Variants in PSMA1 observed in about 807,000 individuals in gnomAD.
PSMA1 encodes proteasome 20S subunit alpha 1, also known as proteasome subunit alpha type-1.
A neutral mutation model predicts 38.4 loss-of-function variants in PSMA1; 3 were observed. The observed-to-expected ratio is 0.08, with a 90% confidence interval of 0.04 to 0.20. PSMA1 has a LOEUF of 0.20. Ranked by LOEUF, PSMA1 falls within the 10% of genes least tolerant of loss-of-function variation. PSMA1 has a pLI of 1.00. For synonymous variants in PSMA1, 101 were observed against 107.1 expected, an observed-to-expected ratio of 0.94 and a Z score of 0.35; for missense variants, 227 against 325.3, an observed-to-expected ratio of 0.70 and a Z score of 2.32.
At chr11:14,628,240 A>T (rs1237358052) in intron 1 of PSMA1, among the ~76,000 whole-genome samples, 10 of 150,560 alleles carry the variant, frequency 6.6e-5, no homozygotes, top group African/African-American at 2.5e-4. Flanking sequence ...ATATGTATAC[A>T]TGTGCCATGC....
At chr11:14,625,689 T>C (rs1036986367) in intron 1 of PSMA1, among the ~76,000 whole-genome samples, 1 of 152,224 alleles carries the variant, frequency 6.6e-6, no homozygotes, top group South Asian at 2.1e-4. Flanking sequence ...CTTAGAATGA[T>C]GCTGTAGTAT....
chr11:14,536,908 C>G (rs1323966404), intron 2 of PSMA1, among the ~76,000 whole-genome samples: 33 of 152,348 alleles, frequency 2.2e-4, no homozygotes, highest in Non-Finnish European at 1.5e-5. Context: ...AGCCACCGCG[C>G]CCTGCCAAAG....
intron 1 of PSMA1, among the ~76,000 whole-genome samples, chr11:14,629,960 C>G (rs1051270240): frequency 2.0e-5 from 3 of 152,200 alleles, no homozygotes; most frequent in African/African-American, 7.2e-5. Context: ...CATGATTTGG[C>G]TCTCCGTCTG....
chr11:14,566,094 A>C (rs1852068305), intron 2 of PSMA1, among the ~76,000 whole-genome samples: 1 of 152,190 alleles, frequency 6.6e-6, no homozygotes, highest in Non-Finnish European at 1.5e-5. Context: ...TGAGCAAGGG[A>C]AAGTGGTAAA....
At chr11:14,624,574 G>C (rs367720266) in intron 1 of PSMA1, among the ~76,000 whole-genome samples, 1 of 152,202 alleles carries the variant, frequency 6.6e-6, no homozygotes, top group Non-Finnish European at 1.5e-5. Context: ...CCAGGGGACA[G>C]TGAGTGTCTC....
chr11:14,621,582 CCTAAATATAGCA>C (rs1852844614), intron 1 of PSMA1, among the ~76,000 whole-genome samples: 1 of 152,120 alleles, frequency 6.6e-6, no homozygotes, highest in South Asian at 2.1e-4. Flanking sequence ...TCAAAATTAT[CCTAAATATAGCA>C]ATGCTAGTAA....
chr11:14,578,398 C>T (rs574810995), intron 2 of PSMA1, among the ~76,000 whole-genome samples: 2 of 152,206 alleles, frequency 1.3e-5, no homozygotes, highest in Admixed American at 1.3e-4. Flanking sequence ...AGTAGCTTGG[C>T]AGGGCTGGAG....
intron 2 of PSMA1, among the ~76,000 whole-genome samples, chr11:14,597,289 C>G (rs1852509457): frequency 1.3e-5 from 2 of 152,154 alleles, no homozygotes; most frequent in South Asian, 4.1e-4. Flanking sequence ...CCCTCTTTTT[C>G]TATTGATTGG....
chr11:14,513,462 T>A, intron 7 of PSMA1, 108 bp downstream of exon 7: 1 of 1,167,278 alleles, frequency 8.6e-7, no homozygotes, highest in Middle Eastern at 3.3e-4. Flanking sequence ...TTAAAAAAAT[T>A]CTTTCTATAA....
chr11:14,562,940 TATC>T (rs1021332622), intron 2 of PSMA1, among the ~76,000 whole-genome samples: 6 of 152,184 alleles, frequency 3.9e-5, no homozygotes, highest in Admixed American at 3.3e-4. Flanking sequence ...CCCCATTAAT[TATC>T]ATTGCATTAA....
chr11:14,597,950 C>G (rs895540173), intron 2 of PSMA1, among the ~76,000 whole-genome samples: 1 of 152,148 alleles, frequency 6.6e-6, no homozygotes, highest in Admixed American at 6.5e-5. Flanking sequence ...TATGTTGTGT[C>G]TTTGTTCTCA....
chr11:14,623,031 A>G (rs763755954), intron 1 of PSMA1, among the ~76,000 whole-genome samples: 6 of 152,238 alleles, frequency 3.9e-5, no homozygotes, highest in Non-Finnish European at 7.3e-5. Flanking sequence ...AGAACTGCAC[A>G]TTACAAGTTT....
chr11:14,516,618 T>C (rs1030643618), intron 4 of PSMA1, among the ~76,000 whole-genome samples: 2 of 152,130 alleles, frequency 1.3e-5, no homozygotes, highest in Non-Finnish European at 2.9e-5. Flanking sequence ...TGGTTTACAG[T>C]AGGCAATTTA....
At position 14,631,994 on chromosome 11, in the gene PSMA1, C is replaced by A. The variant is rs1228283471; in HGVS notation, c.-166+11461G>T. On this transcript the variant is annotated intron_variant, in intron 1 of 10. Transcript: ENST00000418988. ...TCAGAGACTAGGATTGCAACCCCTG[C>A]CTTTTTTTGTTTTCCATTGGCTTGG... is the stretch of plus-strand genomic sequence containing the variant. Among the ~76,000 whole-genome samples the A allele has an allele frequency of 2.1e-5, 3 of 141,800 alleles. No individual in the cohort carries two copies. The East Asian group carries it at 6.2e-4, about 29-fold the overall frequency. The allele number at this position is 141,800 out of a possible 152,430, so 93.0% of individuals were successfully genotyped here.
chr11:14,539,811 T>G (rs1851751305), intron 2 of PSMA1, among the ~76,000 whole-genome samples: 1 of 150,390 alleles, frequency 6.6e-6, no homozygotes, highest in Non-Finnish European at 1.5e-5. Context: ...ATTGCGCCAC[T>G]GCACTCCAGC....
intron 1 of PSMA1, among the ~76,000 whole-genome samples, chr11:14,617,748 C>T (rs144307575): frequency 1.3e-5 from 2 of 151,130 alleles, no homozygotes; most frequent in African/African-American, 4.9e-5. Flanking sequence ...GTGAGCTGGA[C>T]AAGCTGAAAG....
intron 1 of PSMA1, among the ~76,000 whole-genome samples, chr11:14,622,936 T>C (rs1306368304): frequency 6.6e-6 from 1 of 152,186 alleles, no homozygotes; most frequent in Admixed American, 6.5e-5. Context: ...GAATTATATG[T>C]CTTTTGAGAA....
intron 2 of PSMA1, among the ~76,000 whole-genome samples, chr11:14,530,198 T>TC (rs2134158755): frequency 6.6e-6 from 1 of 152,160 alleles, no homozygotes; most frequent in East Asian, 1.9e-4. Flanking sequence ...AAAGCCTCTT[T>TC]CCCTAGGTGT....
chr11:14,603,422 C>T (rs192814710), intron 2 of PSMA1, among the ~76,000 whole-genome samples: 86 of 152,226 alleles, frequency 5.6e-4, no homozygotes, highest in Non-Finnish European at 1.0e-3. Flanking sequence ...GAGTGATCTG[C>T]TCTAGATTTC....
Sources: allele counts gnomAD v4.1 joint callset (sites outside exome capture counted in the v4.1 genomes callset), GRCh38; gene constraint gnomAD v4.1.1; transcripts MANE v1.5; gene names NCBI Gene and HGNC (gene_info 2026-07-23, HGNC 2026-07-21).